The following WDFY3 variants were observed in gnomAD, a reference collection of about 807,000 sequenced individuals.
The protein encoded by WDFY3 is WD repeat and FYVE domain-containing protein 3.
Under a neutral mutation model 409.6 loss-of-function variants are expected in WDFY3, and 66 were observed. That is an observed-to-expected ratio of 0.16 (90% CI 0.13 to 0.20). The LOEUF (loss-of-function observed/expected upper bound fraction) is 0.20. WDFY3 is among the 10% of genes least tolerant of loss of function. The pLI is 1.00. For synonymous variants in WDFY3, 1,521 were observed against 1,537.1 expected, an observed-to-expected ratio of 0.99 and a Z score of 0.25; for missense variants, 3,031 against 4,298.1, an observed-to-expected ratio of 0.71 and a Z score of 8.24.
At chr4:84,781,852 A>G (rs973356757) in intron 25 of WDFY3, among the ~76,000 whole-genome samples, 5 of 152,220 alleles carry the variant, frequency 3.3e-5, no homozygotes, top group African/African-American at 9.7e-5. Context: ...ATTTTTACCA[A>G]TGCTGTATTA....
At chr4:84,838,040 C>T (rs1436145826) in intron 6 of WDFY3, among the ~76,000 whole-genome samples, 2 of 152,010 alleles carry the variant, frequency 1.3e-5, no homozygotes, top group East Asian at 1.9e-4. Flanking sequence ...CCAGGAATGG[C>T]ATTAAAAAGG....
chr4:84,858,781 G>A (rs1017404099), intron 4 of WDFY3, among the ~76,000 whole-genome samples: 5 of 151,882 alleles, frequency 3.3e-5, no homozygotes, highest in African/African-American at 7.3e-5. Context: ...ATTGGGGCAC[G>A]GGGTGAGGGG....
At chr4:84,707,372 G>C (rs1311734143) in intron 53 of WDFY3, among the ~76,000 whole-genome samples, 1 of 152,094 alleles carries the variant, frequency 6.6e-6, no homozygotes, top group African/African-American at 2.4e-5. Context: ...AGATGAGGAG[G>C]GCCTGAAATG....
chr4:84,772,873 A>G lies in WDFY3; in HGVS notation c.4811T>C (p.Val1604Ala). 6.2e-7 allele frequency: 1 copy of G among 1,611,588 alleles called. No individual in the cohort carries two copies. Among genetic ancestry groups the G allele is most frequent in the Non-Finnish European group, 8.5e-7 (1 of 1,179,050 alleles). ...CTCTTCATTATTTATTTCCATTACTACAAATTTCTCACAAACCGCAAAGGT... is the reference window on the plus strand; with the variant it reads ...CTCTTCATTATTTATTTCCATTACTGCAAATTTCTCACAAACCGCAAAGGT... ...LPTFAVCEKF[V>A]VMEINNEEKL... The change falls in exon 30 of 68, where the codon GTA (valine) becomes GCA (alanine). Residue 1604 changes from valine (V) to alanine (A), a missense_variant. Val to Ala is a moderately conservative substitution (Grantham distance 64, BLOSUM62 0). This residue lies in a region of WDFY3 where 342 missense variants were observed against 463.7 expected (regional missense o/e 0.74). Coordinates refer to ENST00000295888, the MANE Select transcript of WDFY3 (RefSeq NM_014991.6).
At chr4:84,827,743 C>T (rs72664926) in intron 9 of WDFY3, among the ~76,000 whole-genome samples, 65,045 of 151,968 alleles carry the variant, frequency 0.43, 14,398 homozygotes, top group African/African-American at 0.51. Flanking sequence ...TATTTATAAA[C>T]TTGCATATAT....
chr4:84,678,023 GTTC>G, intron 66 of WDFY3, 142 bp downstream of exon 66: 1 of 524,184 alleles, frequency 1.9e-6, no homozygotes, highest in Non-Finnish European at 3.5e-6. Context: ...CACTAACAGG[GTTC>G]TTCTTCAAAT....
chr4:84,800,077 G>T (rs1036153396), intron 17 of WDFY3, among the ~76,000 whole-genome samples: 1 of 152,068 alleles, frequency 6.6e-6, no homozygotes, highest in Non-Finnish European at 1.5e-5. Context: ...ACTTTAGGAC[G>T]GTGAGTACAA....
At chr4:84,783,926 C>T (rs1011114210) in intron 24 of WDFY3, among the ~76,000 whole-genome samples, 1 of 151,278 alleles carries the variant, frequency 6.6e-6, no homozygotes, top group African/African-American at 2.4e-5. Context: ...GTTGTCAATA[C>T]TTACAGTTCC....
chr4:84,678,829 G>T, intron 65 of WDFY3, 90 bp downstream of exon 65: 1 of 1,418,138 alleles, frequency 7.1e-7, no homozygotes, highest in Non-Finnish European at 9.6e-7. Context: ...CCAGGGTGGG[G>T]CCCAGGGAGA....
rs1231486000 is a variant in WDFY3 at position 84,740,422 on chromosome 4, G to A, written c.6235-6C>T. The A allele has an allele frequency of 1.9e-6, 3 of 1,613,108 alleles. No individual in the cohort carries two copies. The highest frequency in any genetic ancestry group is 1.7e-5 in the Admixed American group (1 of 59,982). ...CCCTGTGATCTTCTCTTTGACTAAA[G>A]ACATGAAAGGTATGTTTTTAGTATA... is the stretch of plus-strand genomic sequence containing the variant. On this transcript the variant is annotated splice_region_variant and splice_polypyrimidine_tract_variant and intron_variant, in intron 38 of 67. Coordinates refer to ENST00000295888, the MANE Select transcript of WDFY3 (RefSeq NM_014991.6).
rs79787101 is a variant in WDFY3, at chr4:84,923,208, A to G, written c.-132+9062T>C. On this transcript the variant is annotated intron_variant, in intron 2 of 67. Transcript: ENST00000295888. Reference sequence around the variant, plus strand: ...ATCATTCTGACCATGCTGTTTCTTAAAAGTAGGAGATGAAATTCCCATGTG... The same window carrying G: ...ATCATTCTGACCATGCTGTTTCTTAGAAGTAGGAGATGAAATTCCCATGTG... Among the ~76,000 whole-genome samples, 1,467 of 152,324 alleles carry G rather than the reference A, an allele frequency of 9.6e-3. 23 individuals are homozygous for G. The highest frequency in any genetic ancestry group is 0.033 in the African/African-American group (1,375 of 41,560).
At chr4:84,856,001 C>A (rs979699459) in intron 4 of WDFY3, among the ~76,000 whole-genome samples, 1 of 152,160 alleles carries the variant, frequency 6.6e-6, no homozygotes, top group East Asian at 1.9e-4. Flanking sequence ...GTAAACATGA[C>A]TATTTCAGGG....
chr4:84,835,347 A>G (rs566894802), intron 7 of WDFY3, among the ~76,000 whole-genome samples: 131 of 152,308 alleles, frequency 8.6e-4, no homozygotes, highest in Non-Finnish European at 1.5e-3. Flanking sequence ...TCAAGCAGCT[A>G]TAATTCCTAT....
At chr4:84,842,294 T>C (rs1195179960) in intron 5 of WDFY3, among the ~76,000 whole-genome samples, 1 of 152,044 alleles carries the variant, frequency 6.6e-6, no homozygotes, top group Middle Eastern at 3.4e-3. Context: ...CTGGCCAACA[T>C]GGAGAAACCC....
chr4:84,838,350 A>T (rs781029254), intron 6 of WDFY3, among the ~76,000 whole-genome samples: 1 of 152,254 alleles, frequency 6.6e-6, no homozygotes, highest in Non-Finnish European at 1.5e-5. Context: ...GCTTTAGGTC[A>T]GACAGCTGGC....
chr4:84,835,766 CA>C (rs1331849468), intron 7 of WDFY3, among the ~76,000 whole-genome samples: 1 of 152,144 alleles, frequency 6.6e-6, no homozygotes, highest in East Asian at 1.9e-4. Context: ...TTTTCTACCC[CA>C]ATCCACTGTT....
At chr4:84,760,104 A>G (rs905925721) in intron 32 of WDFY3, among the ~76,000 whole-genome samples, 14 of 151,288 alleles carry the variant, frequency 9.3e-5, no homozygotes, top group Non-Finnish European at 2.1e-4. Context: ...GCTGGATGAC[A>G]TTTATTGATT....
At chr4:84,726,121 C>G (rs1003606509) in intron 45 of WDFY3, among the ~76,000 whole-genome samples, 1 of 151,998 alleles carries the variant, frequency 6.6e-6, no homozygotes, top group Non-Finnish European at 1.5e-5. Context: ...GAGGTATTTT[C>G]AACTCAAAAT....
Position 84,774,986 on chromosome 4 carries a change from A to G in WDFY3, c.4593-5T>C, listed in dbSNP as rs1745302098. 1 of 1,613,370 alleles carries G rather than the reference A, an allele frequency of 6.2e-7. No homozygotes were observed. Among genetic ancestry groups the G allele is most frequent in the Non-Finnish European group, 8.5e-7 (1 of 1,179,784 alleles). Reference sequence around the variant, plus strand: ...TTGGCATTCTTTGAGGCTTCACTATAAGAGAAAGAAGATTTTATACACTGT... The same window carrying G: ...TTGGCATTCTTTGAGGCTTCACTATGAGAGAAAGAAGATTTTATACACTGT... On this transcript the variant is annotated splice_region_variant and splice_polypyrimidine_tract_variant and intron_variant, in intron 28 of 67. Coordinates refer to ENST00000295888, the MANE Select transcript of WDFY3 (RefSeq NM_014991.6).
Sources: allele counts gnomAD v4.1 joint callset (sites outside exome capture counted in the v4.1 genomes callset), GRCh38; gene constraint gnomAD v4.1.1; regional missense constraint gnomAD v4.1.1; transcripts MANE v1.5; gene names NCBI Gene and HGNC (gene_info 2026-07-23, HGNC 2026-07-21).